The following TMPRSS5 variants were observed in gnomAD, a reference collection of about 807,000 sequenced individuals.
TMPRSS5 encodes the protein transmembrane serine protease 5, also known as transmembrane protease serine 5.
A neutral mutation model predicts 59.7 loss-of-function variants in TMPRSS5; 45 were observed. The observed-to-expected ratio is 0.75, with a 90% CI of 0.59 to 0.97. The LOEUF (loss-of-function observed/expected upper bound fraction) is 0.97. TMPRSS5 is among the 50% of genes least tolerant of loss of function. The pLI is 0.00. For synonymous variants in TMPRSS5, 225 were observed against 232.0 expected (o/e 0.97, Z 0.27); for missense variants, 585 against 596.7 (o/e 0.98, Z 0.20).
At position 113,701,855 on chromosome 11, in the gene TMPRSS5, A is replaced by G. The variant is rs183797726; in HGVS notation, c.4-1687T>C. ...GAACTTGCAGGTTTGTTACATAGGT[A>G]TACATGTGCCGTGGTGGTTTGCTGC... On this transcript the variant is annotated intron_variant, in intron 1 of 12. Transcript: ENST00000299882. 1.8e-3 allele frequency among the ~76,000 whole-genome samples: 278 copies of G among 152,064 alleles called. 1 individual carries two copies. The highest frequency in any genetic ancestry group is 3.4e-3 in the Non-Finnish European group (233 of 68,004).
At chr11:113,695,491 A>C (rs541353757) in intron 6 of TMPRSS5, 48 bp from the exon 7 acceptor site, 1 of 1,592,188 alleles carries the variant, frequency 6.3e-7, no homozygotes, top group East Asian at 2.2e-5. Context: ...GCCGCCCTGC[A>C]GCCACACACA....
intron 8 of TMPRSS5, 36 bp downstream of exon 8, chr11:113,694,439 AACT>A: frequency 6.5e-7 from 1 of 1,546,490 alleles, no homozygotes; most frequent in South Asian, 1.2e-5. Context: ...CAGAAAGGGC[AACT>A]GAGGCTCTCT....
chr11:113,699,235 C>CTG (rs1178105784), intron 3 of TMPRSS5, among the ~76,000 whole-genome samples: 2,116 of 65,644 alleles, frequency 0.032, 341 homozygotes, highest in South Asian at 0.063. Context: ...CTCTCTCTCT[C>CTG]TCTCTCTCTC....
chr11:113,689,802 A>G lies in TMPRSS5; in HGVS notation c.1322T>C (p.Val441Ala). 6.2e-7 allele frequency: 1 copy of G among 1,608,620 alleles called. No individual in the cohort carries two copies. Among genetic ancestry groups the G allele is most frequent in the Non-Finnish European group, 8.5e-7 (1 of 1,177,764 alleles). The change falls in exon 12 of 13, where the codon GTA becomes GCA. Residue 441 changes from valine to alanine, a missense_variant. Physicochemically the swap from Val to Ala is moderately conservative, Grantham distance 64 (BLOSUM62 0). Transcript: ENST00000299882. ...ATGGATCCAGTCCAGAAACTCAGCTACCTTGGCGTAGACACCTGGGTGATT... is the reference window on the plus strand; with the variant it reads ...ATGGATCCAGTCCAGAAACTCAGCTGCCTTGGCGTAGACACCTGGGTGATT... ...EPNHPGVYAK[V>A]AEFLDWIHDT...
At chr11:113,696,998 G>A in intron 5 of TMPRSS5, 27 bp from the exon 6 acceptor site, 2 of 1,502,248 alleles carry the variant, frequency 1.3e-6, no homozygotes, top group Non-Finnish European at 9.1e-7. Flanking sequence ...AATAGAACAG[G>A]AGGAAATCAT....
chr11:113,693,003 C>T (rs148940906), intron 9 of TMPRSS5, 68 bp downstream of exon 9: 25 of 1,266,024 alleles, frequency 2.0e-5, no homozygotes, highest in Middle Eastern at 2.3e-4. Context: ...GCTCACCACT[C>T]TCCCACCCAG....
chr11:113,688,097 G>T lies in TMPRSS5; in HGVS notation c.*163C>A. ...GCCCAAGAGGAGAGACCTGTTGGCT[G>T]GGTGGCTGGCCAGTGGGTAGTGACT... On this transcript the variant is annotated 3_prime_UTR_variant, in exon 13 of 13. Coordinates refer to ENST00000299882, the MANE Select transcript of TMPRSS5 (RefSeq NM_030770.4). 1 of 1,167,916 alleles carries T rather than the reference G, an allele frequency of 8.6e-7. No homozygotes were observed. Among genetic ancestry groups the T allele is most frequent in the Non-Finnish European group, 1.1e-6 (1 of 891,984 alleles). 72.3% of individuals were successfully genotyped at this position (1,167,916 alleles called of 1,614,324 possible).
At chr11:113,689,423 G>A (rs1233227898) in intron 12 of TMPRSS5, among the ~76,000 whole-genome samples, 3 of 152,044 alleles carry the variant, frequency 2.0e-5, no homozygotes, top group Middle Eastern at 3.2e-3. Flanking sequence ...CATTGTACGG[G>A]TCTTATTTAA....
rs774169049 is a variant in TMPRSS5 at position 113,693,114 on chromosome 11, G to A, written c.921C>T (p.Tyr307=). The change falls in exon 9 of 13, where the codon TAC becomes TAT. Residue 307 remains tyrosine (Y), a synonymous_variant. Coordinates refer to ENST00000299882, the MANE Select transcript of TMPRSS5 (RefSeq NM_030770.4). ...TCTGGAGCCTCAGGAGGGCGACGTCGTAGTCATGATTCTGGGCACTGTAGA... is the reference window on the plus strand; with the variant it reads ...TCTGGAGCCTCAGGAGGGCGACGTCATAGTCATGATTCTGGGCACTGTAGA... ...HPLYSAQNHD[Y]DVALLRLQTA... 60 of 1,591,168 alleles carry A rather than the reference G, an allele frequency of 3.8e-5. No individual in the cohort carries two copies. The Admixed American group carries it at 7.6e-4, about 20-fold the overall frequency.
chr11:113,704,694 C>T (rs1261391346), intron 1 of TMPRSS5, among the ~76,000 whole-genome samples: 1 of 152,166 alleles, frequency 6.6e-6, no homozygotes, highest in Non-Finnish European at 1.5e-5. Flanking sequence ...CGAGACTCAG[C>T]ACAGACATCA....
chr11:113,697,542 T>A, intron 4 of TMPRSS5, 124 bp from the exon 5 acceptor site: 4 of 1,166,594 alleles, frequency 3.4e-6, no homozygotes, highest in Non-Finnish European at 4.8e-6. Flanking sequence ...GATCACCCAG[T>A]GCCAAGTTCC....
intron 1 of TMPRSS5, among the ~76,000 whole-genome samples, chr11:113,704,826 G>A (rs1031556863): frequency 7.3e-6 from 1 of 137,146 alleles, no homozygotes; most frequent in East Asian, 2.4e-4. Context: ...ACAGAGCCTG[G>A]CACAAAGTGG....
At chr11:113,695,503 C>G in intron 6 of TMPRSS5, 60 bp from the exon 7 acceptor site, 3 of 1,569,370 alleles carry the variant, frequency 1.9e-6, no homozygotes, top group Non-Finnish European at 2.6e-6. Context: ...CCACACACAT[C>G]CAAGGACGTG....
In TMPRSS5 at chr11:113,687,662, C is replaced by G. The variant is rs1952644384; in HGVS notation, c.*598G>C. The G allele has an allele frequency of 6.5e-6, 1 of 152,734 alleles. No homozygotes were observed. The highest frequency in any genetic ancestry group is 2.4e-5 in the African/African-American group (1 of 41,462). 9.5% of individuals were successfully genotyped at this position (152,734 alleles called of 1,614,324 possible). Reference sequence around the variant, plus strand: ...ACCTTCTTGTTTTCCAGTGTACCCACCCCACACAGGGCCAGCCACAGCCAG... The same window carrying G: ...ACCTTCTTGTTTTCCAGTGTACCCAGCCCACACAGGGCCAGCCACAGCCAG... On this transcript the variant is annotated 3_prime_UTR_variant, in exon 13 of 13. Transcript: ENST00000299882.
At chr11:113,689,698 A>G in intron 12 of TMPRSS5, 67 bp downstream of exon 12, 1 of 1,543,852 alleles carries the variant, frequency 6.5e-7, no homozygotes. Flanking sequence ...CTAAGGGGTA[A>G]GGTTCCTTGC....
At position 113,699,592 on chromosome 11, in the gene TMPRSS5, G is replaced by A; in HGVS notation, c.205+3C>T. ...ACACCAGAGAAAGGCCCCCAGCACT[G>A]ACCTAGGAGCCATGAGCCAACACCT... On this transcript the variant is annotated splice_donor_region_variant and intron_variant, in intron 3 of 12. Transcript: ENST00000299882. The A allele has an allele frequency of 1.3e-6, 2 of 1,569,620 alleles. No homozygotes were observed. Among genetic ancestry groups the A allele is most frequent in the Non-Finnish European group, 1.7e-6 (2 of 1,157,856 alleles).
rs373326849 is a variant in TMPRSS5 at position 113,694,406 on chromosome 11, T to TA, written c.785+71dup. On this transcript the variant is annotated intron_variant, in intron 8 of 12. Transcript: ENST00000299882. ...GAGACAGTTGGACACGAACATTTGA[T>TA]ACAGGACATACCAACAGCCGAACAG... 551 of 1,502,664 alleles carry TA rather than the reference T, an allele frequency of 3.7e-4. No homozygotes were observed. The African/African-American group carries it at 6.7e-3, about 18-fold the overall frequency. The allele number at this position is 1,502,664 out of a possible 1,614,324, so 93.1% of individuals were successfully genotyped here.
chr11:113,689,771 A>G lies in TMPRSS5; in HGVS notation c.1353T>C (p.Thr451=). 2 of 1,610,444 alleles carry G rather than the reference A, an allele frequency of 1.2e-6. No individual in the cohort carries two copies. Among genetic ancestry groups the G allele is most frequent in the Non-Finnish European group, 1.7e-6 (2 of 1,178,618 alleles). ...VAEFLDWIHD[T]AQDSLL is the part of the protein sequence containing the mutation. Reference sequence around the variant, plus strand: ...CTCCTGCCCCCACACTCACCTGAGCAGTGTCATGGATCCAGTCCAGAAACT... The same window carrying G: ...CTCCTGCCCCCACACTCACCTGAGCGGTGTCATGGATCCAGTCCAGAAACT... Residue 451 remains threonine (T), a synonymous_variant, in exon 12 of 13, where the codon ACT becomes ACC. Transcript: ENST00000299882.
In TMPRSS5 at chr11:113,699,207, GTCTGTCTCTCTCTC is replaced by G. The variant is rs1565263293; in HGVS notation, c.206-194_206-181del. On this transcript the variant is annotated intron_variant, in intron 3 of 12. Transcript: ENST00000299882. ...CTGCCTCTTTGACTCTCCTTTGTCT[GTCTGTCTCTCTCTC>G]TCTCTCTCTCTCTCTCTCTCTCTCT... is the stretch of plus-strand genomic sequence containing the variant. Among the ~76,000 whole-genome samples the G allele has an allele frequency of 4.4e-3, 205 of 46,352 alleles. 26 individuals are homozygous for G. The highest frequency in any genetic ancestry group is 7.1e-3 in the African/African-American group (57 of 8,028). The allele number at this position is 46,352 out of a possible 152,430, so 30.4% of individuals were successfully genotyped here.
Sources: allele counts gnomAD v4.1 joint callset (sites outside exome capture counted in the v4.1 genomes callset), GRCh38; gene constraint gnomAD v4.1.1; transcripts MANE v1.5; gene names NCBI Gene and HGNC (gene_info 2026-07-23, HGNC 2026-07-21).